CLPB: variants seen among roughly 807,000 people sequenced by gnomAD.
CLPB encodes ClpB family mitochondrial disaggregase.
A neutral mutation model predicts 78.4 loss-of-function variants in CLPB; 40 were observed. That is an observed-to-expected ratio of 0.51 (90% CI 0.40 to 0.66). The LOEUF is 0.66. Among genes scored for constraint, CLPB ranks in the 30% least tolerant of loss-of-function variants. The pLI, the probability that CLPB is intolerant of heterozygous loss-of-function variation, is 0.00. For missense variants in CLPB, 780 were observed against 886.9 expected, an observed-to-expected ratio of 0.88 and a Z score of 1.53; for synonymous variants, 333 against 348.0, an observed-to-expected ratio of 0.96 and a Z score of 0.48.
At chr11:72,302,102 G>T in intron 10 of CLPB, 138 bp from the exon 11 acceptor site, 1 of 1,043,330 alleles carries the variant, frequency 9.6e-7, no homozygotes, top group Non-Finnish European at 1.4e-6. Flanking sequence ...CCATCTCCTG[G>T]TGTGGCAGAT....
intron 4 of CLPB, among the ~76,000 whole-genome samples, chr11:72,376,851 T>C (rs1854718736): frequency 6.6e-6 from 1 of 152,084 alleles, no homozygotes; most frequent in Non-Finnish European, 1.5e-5. Flanking sequence ...TTTGTATTTT[T>C]AGTAGAAATG....
chr11:72,386,530 CAGG>C (rs1855082541), intron 3 of CLPB, among the ~76,000 whole-genome samples: 2 of 152,208 alleles, frequency 1.3e-5, no homozygotes, highest in Non-Finnish European at 2.9e-5. Context: ...TTACCTTCAA[CAGG>C]CACAGTATCT....
At chr11:72,410,839 A>C (rs1296641651) in intron 2 of CLPB, 1 of 152,244 alleles carries the variant, frequency 6.6e-6, no homozygotes, top group Non-Finnish European at 1.5e-5. Context: ...CTGATTGGGG[A>C]AGGGGCAATG....
At chr11:72,401,435 C>T (rs748070388) in intron 3 of CLPB, among the ~76,000 whole-genome samples, 19 of 151,412 alleles carry the variant, frequency 1.3e-4, no homozygotes, top group African/African-American at 1.9e-4. Flanking sequence ...AGTGAGACTC[C>T]GTCTCAAAAA....
chr11:72,352,530 C>T (rs1478571257), intron 5 of CLPB: 1 of 152,314 alleles, frequency 6.6e-6, no homozygotes, highest in Non-Finnish European at 1.5e-5. Flanking sequence ...ACCTCATCTA[C>T]CTGGTACACT....
At chr11:72,372,689 A>C (rs1273805072) in intron 4 of CLPB, among the ~76,000 whole-genome samples, 1 of 152,196 alleles carries the variant, frequency 6.6e-6, no homozygotes, top group African/African-American at 2.4e-5. Context: ...AGGGTCCAGG[A>C]ACCTGTGTTT....
In CLPB at chr11:72,306,239, G is replaced by A. The variant is rs546998528; in HGVS notation, c.1122+960C>T. Among the ~76,000 whole-genome samples, 9 of 152,300 alleles carry A rather than the reference G, an allele frequency of 5.9e-5. No individual in the cohort carries two copies. In the South Asian group the frequency reaches 1.0e-3, roughly 18 times the overall value. On this transcript the variant is annotated intron_variant, in intron 9 of 15. Coordinates refer to ENST00000538039, the MANE Select transcript of CLPB (RefSeq NM_001258392.3). ...AAGGGGGCTCAGGAGGACACAATCT[G>A]AGCTACCTTGTTTCTGTGGCTGCCA...
At position 72,312,246 on chromosome 11, in the gene CLPB, T is replaced by C. The variant is rs1231406025; in HGVS notation, c.989-3642A>G. 6.6e-6 allele frequency among the ~76,000 whole-genome samples: 1 copy of C among 152,216 alleles called. No individual in the cohort carries two copies. The highest frequency in any genetic ancestry group is 1.5e-5 in the Non-Finnish European group (1 of 68,032). On this transcript the variant is annotated intron_variant, in intron 7 of 15. Coordinates refer to ENST00000538039, the MANE Select transcript of CLPB (RefSeq NM_001258392.3). This position sits in a 1 kb window ranked among gnomAD's most constrained non-coding sequence, Gnocchi z 4.2. Reference sequence around the variant, plus strand: ...AATTTGTAAGTGGCGAGGAGTGGGATAACAATAAGAGTAAAAATAATGGTA... The same window carrying C: ...AATTTGTAAGTGGCGAGGAGTGGGACAACAATAAGAGTAAAAATAATGGTA...
intron 2 of CLPB, 82 bp downstream of exon 2, chr11:72,430,229 CA>C: frequency 7.3e-7 from 1 of 1,365,298 alleles, no homozygotes. Context: ...GGATTTCCTC[CA>C]AAGCAAAGTC....
intron 5 of CLPB, among the ~76,000 whole-genome samples, chr11:72,333,384 C>G (rs1221347847): frequency 2.6e-5 from 4 of 152,196 alleles, no homozygotes; most frequent in Non-Finnish European, 4.4e-5. Context: ...CTGCAAGCCT[C>G]TGTGTGCAGG....
chr11:72,422,049 C>G (rs926848760), intron 2 of CLPB, among the ~76,000 whole-genome samples: 1 of 150,888 alleles, frequency 6.6e-6, no homozygotes, highest in Non-Finnish European at 1.5e-5. Context: ...GGGCGGATCA[C>G]GAGGTCAGGA....
intron 4 of CLPB, among the ~76,000 whole-genome samples, chr11:72,379,537 G>A (rs1358357108): frequency 2.0e-5 from 3 of 152,106 alleles, no homozygotes; most frequent in African/African-American, 7.2e-5. Flanking sequence ...ACATGATCGA[G>A]CCCTAGTGCA....
At chr11:72,423,960 G>A (rs1183860980) in intron 2 of CLPB, among the ~76,000 whole-genome samples, 3 of 152,154 alleles carry the variant, frequency 2.0e-5, no homozygotes, top group Admixed American at 6.5e-5. Flanking sequence ...ATCATTAAGA[G>A]TTCACTTCAG....
At chr11:72,360,692 C>T (rs1950822450) in intron 4 of CLPB, among the ~76,000 whole-genome samples, 1 of 152,200 alleles carries the variant, frequency 6.6e-6, no homozygotes, top group Non-Finnish European at 1.5e-5. Context: ...CCGCCTCAGC[C>T]TCCCAAAGTG....
intron 3 of CLPB, among the ~76,000 whole-genome samples, chr11:72,386,881 G>A (rs78718634): frequency 0.012 from 1,893 of 152,246 alleles, 15 homozygotes; most frequent in Non-Finnish European, 0.018. Context: ...TTTACTCTCA[G>A]TTTATACACA....
chr11:72,376,720 G>A (rs546754505), intron 4 of CLPB, among the ~76,000 whole-genome samples: 22 of 152,180 alleles, frequency 1.4e-4, no homozygotes, highest in Non-Finnish European at 2.5e-4. Flanking sequence ...CACCCAGGCT[G>A]TAATGCAGTG....
chr11:72,307,333 G>A (rs1031685084), intron 8 of CLPB, 79 bp from the exon 9 acceptor site: 11 of 1,163,590 alleles, frequency 9.5e-6, no homozygotes, highest in Middle Eastern at 2.5e-4. Flanking sequence ...AGAAATGCAC[G>A]GACACTAGAA....
chr11:72,343,004 C>G (rs1192075388), intron 5 of CLPB, among the ~76,000 whole-genome samples: 3 of 152,236 alleles, frequency 2.0e-5, no homozygotes, highest in African/African-American at 7.2e-5. Context: ...CCCCAAAGGA[C>G]TGAGCTGACC....
At chr11:72,427,829 C>G (rs926388031) in intron 2 of CLPB, among the ~76,000 whole-genome samples, 3 of 152,046 alleles carry the variant, frequency 2.0e-5, no homozygotes, top group South Asian at 2.1e-4. Context: ...TGTGTAAATT[C>G]AAAGAAATAA....
Sources: allele counts gnomAD v4.1 joint callset (sites outside exome capture counted in the v4.1 genomes callset), GRCh38; gene constraint gnomAD v4.1.1; non-coding constraint Gnocchi (gnomAD v3.1); transcripts MANE v1.5; gene names NCBI Gene and HGNC (gene_info 2026-07-23, HGNC 2026-07-21).